EMID1: variants seen among roughly 807,000 people sequenced by gnomAD.
EMID1 encodes the protein EMI domain-containing protein 1.
Under a neutral mutation model 60.6 loss-of-function variants are expected in EMID1, and 40 were observed. The ratio of observed to expected loss-of-function variants is 0.66; its 90% CI spans 0.51 to 0.86. EMID1 has a LOEUF of 0.86. Ranked by LOEUF, EMID1 falls within the 40% of genes least tolerant of loss-of-function variation. EMID1 has a pLI of 0.00. For missense variants in EMID1, 585 were observed against 597.1 expected, an observed-to-expected ratio of 0.98 and a Z score of 0.21; for synonymous variants, 242 against 231.0, an observed-to-expected ratio of 1.05 and a Z score of -0.43.
intron 12 of EMID1, among the ~76,000 whole-genome samples, chr22:29,242,440 T>C (rs1961434157): frequency 6.6e-6 from 1 of 152,234 alleles, no homozygotes; most frequent in Admixed American, 6.5e-5. Context: ...TTCAGTAGAT[T>C]CTTTAACATA....
At chr22:29,248,245 C>T (rs956158415) in intron 13 of EMID1, among the ~76,000 whole-genome samples, 2 of 145,898 alleles carry the variant, frequency 1.4e-5, no homozygotes, top group Non-Finnish European at 3.0e-5. Context: ...AGGTGTGAGA[C>T]ACTGTGCCTG....
intron 6 of EMID1, 193 bp downstream of exon 6, chr22:29,231,333 A>G: frequency 1.1e-6 from 1 of 930,304 alleles, no homozygotes; most frequent in Non-Finnish European, 1.6e-6. Flanking sequence ...CAGTCCCTGG[A>G]GACCAAGCAG....
At chr22:29,225,319 G>T in intron 4 of EMID1, 103 bp downstream of exon 4, 6 of 1,223,402 alleles carry the variant, frequency 4.9e-6, no homozygotes, top group Non-Finnish European at 7.0e-6. Flanking sequence ...AGGTCTGGCA[G>T]TGGAGGGTCA....
Position 29,243,445 on chromosome 22 carries a change from G to C in EMID1, c.1075G>C (p.Gly359Arg). The change falls in exon 13 of 15, where the codon GGG (glycine) becomes CGG (arginine). Residue 359 changes from glycine (G) to arginine (R), a missense_variant and splice_region_variant. Coordinates refer to ENST00000334018, the MANE Select transcript of EMID1 (RefSeq NM_133455.4). ...PGPQGSAGQR[G>R]EPGPKGDPGE... The stretch of plus-strand genomic sequence containing the variant: ...CTGCTATCTCTGTCTCTCCTTGCAG[G>C]GGGAACCTGGCCCTAAGGGAGACCC... 6.2e-7 allele frequency: 1 copy of C among 1,613,970 alleles called. No homozygotes were observed. Among genetic ancestry groups the C allele is most frequent in the East Asian group, 2.2e-5 (1 of 44,864 alleles).
At chr22:29,220,750 C>G (rs1414899151) in intron 3 of EMID1, among the ~76,000 whole-genome samples, 1 of 152,092 alleles carries the variant, frequency 6.6e-6, no homozygotes, top group African/African-American at 2.4e-5. Context: ...AAGGACAGAG[C>G]GGAAGCCTCT....
At chr22:29,255,202 C>CCCCAGG in intron 14 of EMID1, 1 of 734,564 alleles carries the variant, frequency 1.4e-6, no homozygotes, top group Non-Finnish European at 2.1e-6. Context: ...CCACCCTCCC[C>CCCCAGG]GCTTGGCTCC....
chr22:29,233,539 T>TC (rs1242053827), intron 9 of EMID1, 71 bp downstream of exon 9: 2 of 1,606,444 alleles, frequency 1.2e-6, no homozygotes, highest in Non-Finnish European at 1.7e-6. Context: ...TTTGTGGCTA[T>TC]CAGGAGGGAG....
At position 29,259,214 on chromosome 22, in the gene EMID1, CGTCTCATCTGCT is replaced by C; in HGVS notation, c.*275_*286del. ...AAGGAGGGATAGAGGTACAAGGCTTCGTCTCATCTGCTGTCTGAGCATCCAGGCCCAAAGGCA... is the reference window on the plus strand; with the variant it reads ...AAGGAGGGATAGAGGTACAAGGCTTCGTCTGAGCATCCAGGCCCAAAGGCA... On this transcript the variant is annotated 3_prime_UTR_variant, in exon 15 of 15. Coordinates refer to ENST00000334018, the MANE Select transcript of EMID1 (RefSeq NM_133455.4). 2.1e-6 allele frequency: 1 copy of C among 482,050 alleles called. No homozygotes were observed. The highest frequency in any genetic ancestry group is 2.6e-5 in the South Asian group (1 of 38,000). The allele number at this position is 482,050 out of a possible 1,614,324, so 29.9% of individuals were successfully genotyped here.
At chr22:29,212,671 C>T (rs1029844234) in intron 1 of EMID1, among the ~76,000 whole-genome samples, 2 of 151,726 alleles carry the variant, frequency 1.3e-5, no homozygotes, top group African/African-American at 4.8e-5. Flanking sequence ...TCAAGCAATT[C>T]TCCTGCCTCA....
chr22:29,235,523 CCTTTT>C (rs766738772), intron 12 of EMID1, among the ~76,000 whole-genome samples: 4 of 150,878 alleles, frequency 2.7e-5, no homozygotes, highest in African/African-American at 9.7e-5. Flanking sequence ...TTCTTTTTTC[CCTTTT>C]CTTTTCTTGT....
chr22:29,248,479 C>T (rs921159533), intron 13 of EMID1, among the ~76,000 whole-genome samples: 1 of 151,982 alleles, frequency 6.6e-6, no homozygotes, highest in Non-Finnish European at 1.5e-5. Flanking sequence ...GAAGAACCTG[C>T]CTGAGGCTGT....
intron 14 of EMID1, among the ~76,000 whole-genome samples, chr22:29,257,151 A>G (rs1283966139): frequency 6.6e-6 from 1 of 152,000 alleles, no homozygotes; most frequent in African/African-American, 2.4e-5. Context: ...GAAGTCCCAC[A>G]CCCACTGCCA....
At chr22:29,218,714 C>G (rs2040178991) in intron 3 of EMID1, among the ~76,000 whole-genome samples, 1 of 152,254 alleles carries the variant, frequency 6.6e-6, no homozygotes, top group African/African-American at 2.4e-5. Flanking sequence ...ATCACCTTTT[C>G]TGGGCCTGGG....
At chr22:29,247,001 G>A (rs1038546866) in intron 13 of EMID1, among the ~76,000 whole-genome samples, 14 of 151,408 alleles carry the variant, frequency 9.2e-5, no homozygotes, top group African/African-American at 2.9e-4. Context: ...CTTTTTTATT[G>A]AGACAGAGTC....
At chr22:29,231,934 G>A (rs2040764751) in intron 7 of EMID1, 1 of 572,378 alleles carries the variant, frequency 1.7e-6, no homozygotes, top group Admixed American at 3.2e-5. Context: ...GGTCAGACAT[G>A]TCCCTGCCCT....
At chr22:29,235,070 G>A (rs962983872) in intron 12 of EMID1, among the ~76,000 whole-genome samples, 21 of 152,082 alleles carry the variant, frequency 1.4e-4, no homozygotes, top group East Asian at 5.8e-4. Flanking sequence ...AGTGTGGACC[G>A]GGCACGGTGG....
chr22:29,229,418 C>A (rs576990473), intron 5 of EMID1, among the ~76,000 whole-genome samples: 1 of 151,704 alleles, frequency 6.6e-6, no homozygotes, highest in Non-Finnish European at 1.5e-5. Context: ...CTGAGGCGGG[C>A]GGATCACATG....
intron 8 of EMID1, 103 bp from the exon 9 acceptor site, chr22:29,233,276 C>A (rs2040820529): frequency 8.1e-7 from 1 of 1,229,846 alleles, no homozygotes. Flanking sequence ...ATGCTGCAGG[C>A]TGCCCCATAG....
intron 3 of EMID1, among the ~76,000 whole-genome samples, chr22:29,223,567 A>AG (rs531702322): frequency 1.9e-3 from 288 of 152,320 alleles, no homozygotes; most frequent in African/African-American, 6.7e-3. Flanking sequence ...AACCAAAAAA[A>AG]GAAATCTGGC....
Sources: gnomAD v4.1 joint callset for allele counts (sites outside exome capture counted in the v4.1 genomes callset) on GRCh38, gnomAD v4.1.1 for gene constraint, MANE v1.5 for transcripts, NCBI Gene and HGNC (gene_info 2026-07-23, HGNC 2026-07-21) for gene names.